The following COMMD7 variants were observed in gnomAD, a reference collection of about 807,000 sequenced individuals.
The protein encoded by COMMD7 is COMM domain containing 7.
Under a neutral mutation model 34.8 loss-of-function variants are expected in COMMD7, and 28 were observed. The ratio of observed to expected loss-of-function variants is 0.80; its 90% CI spans 0.60 to 1.10. The LOEUF is 1.10. COMMD7 is among the 50% of genes least tolerant of loss of function. COMMD7 has a pLI of 0.00. For synonymous variants in COMMD7, 80 were observed against 86.4 expected (o/e 0.93, Z 0.41); for missense variants, 211 against 241.6 (o/e 0.87, Z 0.84).
intron 3 of COMMD7, among the ~76,000 whole-genome samples, chr20:32,718,780 CAAAA>C (rs11484216): frequency 7.8e-6 from 1 of 128,536 alleles, no homozygotes; most frequent in Non-Finnish European, 1.7e-5. Context: ...CTCCCCCTGC[CAAAA>C]AAAAAAAAAG....
intron 3 of COMMD7, among the ~76,000 whole-genome samples, chr20:32,712,956 T>A (rs1302116555): frequency 6.6e-6 from 1 of 151,870 alleles, no homozygotes; most frequent in South Asian, 2.1e-4. Flanking sequence ...ATGGTCTCGA[T>A]CTCCTGACCT....
intron 1 of COMMD7, among the ~76,000 whole-genome samples, chr20:32,730,541 C>T (rs1600999202): frequency 6.9e-6 from 1 of 145,694 alleles, no homozygotes; most frequent in Non-Finnish European, 1.5e-5. Flanking sequence ...GGTGACAGAG[C>T]GAGACTCCGT....
At chr20:32,736,474 T>C (rs1649046348) in intron 1 of COMMD7, among the ~76,000 whole-genome samples, 1 of 150,278 alleles carries the variant, frequency 6.7e-6, no homozygotes, top group African/African-American at 2.5e-5. Flanking sequence ...ATTGAGACCA[T>C]CCTGGCTAAC....
rs1045526444 is a variant in COMMD7, at chr20:32,726,391, G to A, written c.241+1502C>T. 5.9e-5 allele frequency among the ~76,000 whole-genome samples: 9 copies of A among 151,884 alleles called. No individual in the cohort carries two copies. In the South Asian group the frequency reaches 1.2e-3, roughly 21 times the overall value. On this transcript the variant is annotated intron_variant, in intron 3 of 8. Coordinates refer to ENST00000278980, the MANE Select transcript of COMMD7 (RefSeq NM_053041.3). ...AGCCTAGGTGACAGAGCGAGACTCCGTCTCAAAAAAACAAACAAAAGACTT... is the reference window on the plus strand; with the variant it reads ...AGCCTAGGTGACAGAGCGAGACTCCATCTCAAAAAAACAAACAAAAGACTT...
intron 3 of COMMD7, among the ~76,000 whole-genome samples, chr20:32,713,346 G>A (rs1432833236): frequency 2.6e-5 from 4 of 152,132 alleles, no homozygotes; most frequent in African/African-American, 9.7e-5. Context: ...CAATGCGCCT[G>A]GCAACAGGCA....
rs888301615 is a variant in COMMD7, at chr20:32,703,214, G to C, written c.*168C>G. 1 of 566,540 alleles carries C rather than the reference G, an allele frequency of 1.8e-6. No homozygotes were observed. Among genetic ancestry groups the C allele is most frequent in the Non-Finnish European group, 3.1e-6 (1 of 321,878 alleles). 35.1% of individuals were successfully genotyped at this position (566,540 alleles called of 1,614,324 possible). ...AGGGTAATTGTGTTGGGCTCTTTCA[G>C]TACTTAATCCTGCTGTTTTTCAGAA... On this transcript the variant is annotated 3_prime_UTR_variant, in exon 9 of 9. Coordinates refer to ENST00000278980, the MANE Select transcript of COMMD7 (RefSeq NM_053041.3).
intron 1 of COMMD7, among the ~76,000 whole-genome samples, chr20:32,737,711 G>T (rs1173790130): frequency 6.6e-6 from 1 of 151,636 alleles, no homozygotes; most frequent in African/African-American, 2.4e-5. Context: ...GGTGGCACAT[G>T]CCTGTGGTTC....
At chr20:32,705,243 G>GACC (rs1983993230) in intron 5 of COMMD7, among the ~76,000 whole-genome samples, 1 of 151,200 alleles carries the variant, frequency 6.6e-6, no homozygotes, top group African/African-American at 2.4e-5. Flanking sequence ...TCAGTCACTT[G>GACC]TTATTTTTCT....
intron 3 of COMMD7, among the ~76,000 whole-genome samples, chr20:32,721,870 C>T (rs1008428340): frequency 6.7e-6 from 1 of 149,350 alleles, no homozygotes; most frequent in Admixed American, 6.8e-5. Context: ...GCGCTCCAGC[C>T]TGGGCGACAG....
chr20:32,703,489 T>C, intron 8 of COMMD7, 31 bp from the exon 9 acceptor site: 1 of 1,603,266 alleles, frequency 6.2e-7, no homozygotes, highest in South Asian at 1.1e-5. Flanking sequence ...TTCAGATAAA[T>C]GTTTCCAACT....
Position 32,737,345 on chromosome 20 carries a change from G to A in COMMD7, c.84+5963C>T, listed in dbSNP as rs1443663610. On this transcript the variant is annotated intron_variant, in intron 1 of 8. Transcript: ENST00000278980. Reference sequence around the variant, plus strand: ...AGATCGTGCCATTGCACTCCAGCCTGGGCAACAGAGCAAGACTCCGTCTCA... The same window carrying A: ...AGATCGTGCCATTGCACTCCAGCCTAGGCAACAGAGCAAGACTCCGTCTCA... Among the ~76,000 whole-genome samples, 12 of 107,986 alleles carry A rather than the reference G, an allele frequency of 1.1e-4. No individual in the cohort carries two copies. The Admixed American group carries it at 1.2e-3, about 11-fold the overall frequency. 70.8% of individuals were successfully genotyped at this position (107,986 alleles called of 152,430 possible). A position where few individuals can be genotyped will look rare whatever the true frequency, so the allele number is the denominator to read the frequency against.
chr20:32,734,957 C>T (rs1287662879), intron 1 of COMMD7, among the ~76,000 whole-genome samples: 1 of 151,086 alleles, frequency 6.6e-6, no homozygotes, highest in Admixed American at 6.6e-5. Flanking sequence ...AGAAAACATG[C>T]CCAGGCACGG....
intron 5 of COMMD7, among the ~76,000 whole-genome samples, chr20:32,705,376 A>ATATATATATATTTT (rs1335467096): frequency 2.4e-5 from 3 of 125,448 alleles, no homozygotes; most frequent in African/African-American, 1.0e-4. Flanking sequence ...ATATATATAT[A>ATATATATATATTTT]TTTTTTTTTT....
At chr20:32,703,525 T>C (rs1983871632) in intron 8 of COMMD7, 67 bp from the exon 9 acceptor site, 1 of 1,567,296 alleles carries the variant, frequency 6.4e-7, no homozygotes, top group African/African-American at 1.4e-5. Flanking sequence ...AGAAAATTAA[T>C]TTCCACCCGG....
chr20:32,713,012 G>A (rs1395638791), intron 3 of COMMD7, among the ~76,000 whole-genome samples: 2 of 150,728 alleles, frequency 1.3e-5, no homozygotes, highest in African/African-American at 4.9e-5. Flanking sequence ...GATTACAGGC[G>A]TGAGCCACTG....
chr20:32,712,877 A>ATT (rs1370770222), intron 3 of COMMD7, among the ~76,000 whole-genome samples: 4 of 150,104 alleles, frequency 2.7e-5, no homozygotes, highest in African/African-American at 7.4e-5. Flanking sequence ...TCACCCTCCC[A>ATT]AGCAGCTGGG....
At chr20:32,724,951 T>A (rs868094828) in intron 3 of COMMD7, among the ~76,000 whole-genome samples, 312 of 13,886 alleles carry the variant, frequency 0.022, 52 homozygotes, top group African/African-American at 0.06. Context: ...AAAATAAATT[T>A]AAAAAAAAAA....
At chr20:32,725,618 C>T (rs1175576327) in intron 3 of COMMD7, among the ~76,000 whole-genome samples, 1 of 151,888 alleles carries the variant, frequency 6.6e-6, no homozygotes, top group African/African-American at 2.4e-5. Flanking sequence ...TTAGTAGAGA[C>T]AGGGTTTCAC....
At chr20:32,717,266 T>C (rs1298924299) in intron 3 of COMMD7, among the ~76,000 whole-genome samples, 2 of 151,980 alleles carry the variant, frequency 1.3e-5, no homozygotes, top group African/African-American at 4.8e-5. Context: ...GGTATCTTCC[T>C]GTCTCAGCCT....
Sources: gnomAD v4.1 joint callset for allele counts (sites outside exome capture counted in the v4.1 genomes callset) on GRCh38, gnomAD v4.1.1 for gene constraint, MANE v1.5 for transcripts, NCBI Gene and HGNC (gene_info 2026-07-23, HGNC 2026-07-21) for gene names.